The following SHISA9 variants were observed in gnomAD, a reference collection of about 807,000 sequenced individuals.
SHISA9 encodes the protein shisa family member 9.
Under a neutral mutation model 38.0 loss-of-function variants are expected in SHISA9, and 13 were observed. The ratio of observed to expected loss-of-function variants is 0.34; its 90% confidence interval spans 0.22 to 0.54. SHISA9 has a LOEUF of 0.54. SHISA9 is among the 20% of genes least tolerant of loss of function. SHISA9 has a pLI of 0.91. For missense variants in SHISA9, 538 were observed against 575.8 expected, an observed-to-expected ratio of 0.93 and a Z score of 0.67; for synonymous variants, 275 against 242.0, an observed-to-expected ratio of 1.14 and a Z score of -1.27.
the SHISA9 span, among the ~76,000 whole-genome samples, chr16:13,546,802 G>C: frequency 6.6e-6 from 1 of 152,112 alleles, no homozygotes. Flanking sequence ...TAGAAGATTT[G>C]AGTAGTTGAA....
chr16:13,038,890 T>G (rs1417716113), intron 2 of SHISA9, among the ~76,000 whole-genome samples: 1 of 152,198 alleles, frequency 6.6e-6, no homozygotes, highest in Non-Finnish European at 1.5e-5. Flanking sequence ...TCTGTTTCTT[T>G]ATTTAATACT....
At chr16:13,507,958 T>C in the SHISA9 span, among the ~76,000 whole-genome samples, 8 of 152,348 alleles carry the variant, frequency 5.3e-5, no homozygotes, top group Admixed American at 5.2e-4. Flanking sequence ...TGCATACTTA[T>C]GGTGGAAACT....
At chr16:13,015,874 CTT>C (rs1472094910) in intron 2 of SHISA9, among the ~76,000 whole-genome samples, 11 of 109,534 alleles carry the variant, frequency 1.0e-4, no homozygotes, top group African/African-American at 3.4e-4. Flanking sequence ...TTCTTTCTTT[CTT>C]TCTTTCTTTC....
chr16:12,940,135 A>C (rs1419927514), intron 2 of SHISA9, among the ~76,000 whole-genome samples: 1 of 152,208 alleles, frequency 6.6e-6, no homozygotes, highest in Admixed American at 6.5e-5. Flanking sequence ...CTTGAGGGGC[A>C]GAGTGTTCTT....
the SHISA9 span, among the ~76,000 whole-genome samples, chr16:13,296,285 T>C: frequency 6.6e-6 from 1 of 152,026 alleles, no homozygotes; most frequent in African/African-American, 2.4e-5. Context: ...CTGGGATTTC[T>C]GAAGGTGGGA....
intron 3 of SHISA9, among the ~76,000 whole-genome samples, chr16:13,211,221 C>T (rs985883336): frequency 9.3e-5 from 14 of 151,138 alleles, no homozygotes; most frequent in Admixed American, 2.6e-4. Context: ...CACTTGAACC[C>T]GGGGGGCAGT....
the SHISA9 span, among the ~76,000 whole-genome samples, chr16:13,457,114 C>G: frequency 5.9e-5 from 9 of 152,216 alleles, no homozygotes; most frequent in Non-Finnish European, 1.2e-4. Context: ...TGAGACCAGC[C>G]TGACCAATGT....
At chr16:13,185,819 G>A (rs7206095) in intron 2 of SHISA9, among the ~76,000 whole-genome samples, 21,586 of 152,058 alleles carry the variant, frequency 0.14, 1,799 homozygotes, top group African/African-American at 0.21. Context: ...ATTAGAAAGG[G>A]TTTGATTTAC....
chr16:13,435,477 G>A, the SHISA9 span, among the ~76,000 whole-genome samples: 113,644 of 152,068 alleles, frequency 0.75, 42,606 homozygotes, highest in Admixed American at 0.83. Context: ...ACTTGTTCCA[G>A]TGGGGGTTTT....
chr16:12,985,066 G>A (rs144587888), intron 2 of SHISA9, among the ~76,000 whole-genome samples: 7 of 152,172 alleles, frequency 4.6e-5, no homozygotes, highest in African/African-American at 1.2e-4. Context: ...AGCACTTCCT[G>A]AATACTGTGT....
the SHISA9 span, among the ~76,000 whole-genome samples, chr16:13,321,781 C>G: frequency 6.6e-6 from 1 of 152,130 alleles, no homozygotes; most frequent in Admixed American, 6.5e-5. Context: ...CTCCAAATGA[C>G]AATCATAATA....
At chr16:12,952,143 TG>T (rs1275217966) in intron 2 of SHISA9, among the ~76,000 whole-genome samples, 1 of 152,226 alleles carries the variant, frequency 6.6e-6, no homozygotes, top group East Asian at 1.9e-4. Flanking sequence ...TAACATATAA[TG>T]CCCTAGGCCA....
At chr16:13,069,350 GTATA>G (rs1291700759) in intron 2 of SHISA9, among the ~76,000 whole-genome samples, 1 of 151,166 alleles carries the variant, frequency 6.6e-6, no homozygotes, top group Non-Finnish European at 1.5e-5. Context: ...ATGTGTGTAT[GTATA>G]TATGTGCATG....
chr16:13,394,925 T>C, the SHISA9 span, among the ~76,000 whole-genome samples: 1 of 114,276 alleles, frequency 8.8e-6, no homozygotes, highest in African/African-American at 3.5e-5. Context: ...AAGCAGTATC[T>C]GGGGTGTGTG....
chr16:13,211,910 C>T (rs913565770), intron 3 of SHISA9, among the ~76,000 whole-genome samples: 1 of 152,176 alleles, frequency 6.6e-6, no homozygotes, highest in Non-Finnish European at 1.5e-5. Flanking sequence ...TTCCAGATGA[C>T]CCTGGCTATG....
chr16:13,430,528 TCAGACGTAATGTCTGCTCGA>T, the SHISA9 span, among the ~76,000 whole-genome samples: 6 of 152,178 alleles, frequency 3.9e-5, no homozygotes, highest in African/African-American at 1.4e-4. Context: ...CGGTGGGTTT[TCAGACGTAATGTCTGCTCGA>T]CATTACATCT....
intron 2 of SHISA9, among the ~76,000 whole-genome samples, chr16:13,171,057 G>C (rs1001410901): frequency 2.0e-5 from 3 of 152,234 alleles, no homozygotes; most frequent in Non-Finnish European, 2.9e-5. Context: ...GCTGGCATCT[G>C]CTTCTGGTGA....
chr16:13,459,151 G>A, the SHISA9 span, among the ~76,000 whole-genome samples: 2 of 152,086 alleles, frequency 1.3e-5, no homozygotes, highest in Non-Finnish European at 2.9e-5. Context: ...ACTGTGCCAG[G>A]CCAAATGCTT....
At chr16:12,909,960 G>T (rs1445291664) in intron 1 of SHISA9, 1 of 152,076 alleles carries the variant, frequency 6.6e-6, no homozygotes, top group Non-Finnish European at 1.5e-5. Flanking sequence ...GGGTTTTAGC[G>T]ATTCTTCTGC....
Sources: gnomAD v4.1 joint callset for allele counts (sites outside exome capture counted in the v4.1 genomes callset) on GRCh38, gnomAD v4.1.1 for gene constraint, MANE v1.5 for transcripts, NCBI Gene and HGNC (gene_info 2026-07-23, HGNC 2026-07-21) for gene names.